The following PPIH variants were observed in gnomAD, a reference collection of about 807,000 sequenced individuals.
The protein encoded by PPIH is peptidyl-prolyl cis-trans isomerase H.
Under a neutral mutation model 27.6 loss-of-function variants are expected in PPIH, and 16 were observed. The ratio of observed to expected loss-of-function variants is 0.58; its 90% CI spans 0.39 to 0.88. The LOEUF (loss-of-function observed/expected upper bound fraction) is 0.88, where lower values mean the gene tolerates loss of function less well. Ranked by LOEUF, PPIH falls within the 40% of genes least tolerant of loss-of-function variation. The pLI is 0.00. For synonymous variants in PPIH, 63 were observed against 76.1 expected, an observed-to-expected ratio of 0.83 and a Z score of 0.90; for missense variants, 155 against 224.1, an observed-to-expected ratio of 0.69 and a Z score of 1.97.
Position 42,666,993 on chromosome 1 carries a change from G to A in PPIH, c.466-358G>A, listed in dbSNP as rs557039211. On this transcript the variant is annotated intron_variant, in intron 8 of 9. Transcript: ENST00000304979. The stretch of plus-strand genomic sequence containing the variant: ...TTTGCTCACACAGTTTCCTCTAGCC[G>A]GAATGCTCTTCTTTCCTTCCCTCCT... Among the ~76,000 whole-genome samples the A allele has an allele frequency of 2.0e-5, 3 of 152,106 alleles. No individual in the cohort carries two copies. The South Asian group carries it at 6.2e-4, about 32-fold the overall frequency.
chr1:42,669,608 T>C (rs368671039), intron 9 of PPIH, among the ~76,000 whole-genome samples: 1 of 152,208 alleles, frequency 6.6e-6, no homozygotes, highest in Non-Finnish European at 1.5e-5. Context: ...TTCTTAATTT[T>C]ATATGTTGTA....
At chr1:42,673,151 C>T (rs1570402928) in intron 9 of PPIH, among the ~76,000 whole-genome samples, 1 of 151,986 alleles carries the variant, frequency 6.6e-6, no homozygotes, top group East Asian at 1.9e-4. Flanking sequence ...TGCAGCACCA[C>T]ACCCAGCTAA....
downstream of PPIH, among the ~76,000 whole-genome samples, chr1:42,677,660 C>T (rs979774605): frequency 6.6e-6 from 1 of 152,096 alleles, no homozygotes; most frequent in African/African-American, 2.4e-5. Context: ...AACAAACAAA[C>T]AACAGCAACA....
intron 8 of PPIH, 41 bp from the exon 9 acceptor site, chr1:42,667,310 G>A: frequency 6.5e-7 from 1 of 1,529,672 alleles, no homozygotes; most frequent in South Asian, 1.1e-5. Flanking sequence ...GAACGAGGAA[G>A]TGCCTGAGTG....
At chr1:42,671,158 G>C (rs1570399518) in intron 9 of PPIH, among the ~76,000 whole-genome samples, 1 of 152,208 alleles carries the variant, frequency 6.6e-6, no homozygotes, top group East Asian at 1.9e-4. Flanking sequence ...GCTGGATGTG[G>C]TGGCTCACAC....
chr1:42,680,874 G>A (rs2148732308), downstream of PPIH, among the ~76,000 whole-genome samples: 1 of 152,250 alleles, frequency 6.6e-6, no homozygotes, highest in Middle Eastern at 3.4e-3. Context: ...TTAACTATTT[G>A]GCTCTCACAG....
intron 5 of PPIH, among the ~76,000 whole-genome samples, chr1:42,663,116 G>A (rs1212606082): frequency 2.0e-5 from 3 of 152,196 alleles, no homozygotes; most frequent in Admixed American, 2.0e-4. Flanking sequence ...GGTAACTGAT[G>A]TGTCCCTTAG....
intron 9 of PPIH, among the ~76,000 whole-genome samples, chr1:42,670,899 A>G (rs1198182436): frequency 2.0e-5 from 3 of 152,030 alleles, no homozygotes; most frequent in Non-Finnish European, 2.9e-5. Context: ...GGGTTCAAGC[A>G]ATTCTCCTGC....
chr1:42,677,307 C>T (rs1649920567), downstream of PPIH, among the ~76,000 whole-genome samples: 1 of 129,908 alleles, frequency 7.7e-6, no homozygotes, highest in Non-Finnish European at 1.7e-5. Context: ...AACCCCATCC[C>T]TACTAAAAAT....
intron 9 of PPIH, among the ~76,000 whole-genome samples, chr1:42,672,664 T>A (rs1649699841): frequency 2.6e-5 from 4 of 152,056 alleles, no homozygotes; most frequent in Admixed American, 2.6e-4. Context: ...TTTTTTTTTT[T>A]AAGACAGAAT....
At chr1:42,678,550 C>T (rs1397887623), downstream of PPIH, among the ~76,000 whole-genome samples, 1 of 152,174 alleles carries the variant, frequency 6.6e-6, no homozygotes, top group Non-Finnish European at 1.5e-5. Flanking sequence ...CAGGCACATG[C>T]CACCGTGCCC....
intron 9 of PPIH, among the ~76,000 whole-genome samples, chr1:42,668,058 A>C (rs1649438153): frequency 6.6e-6 from 1 of 152,228 alleles, no homozygotes; most frequent in South Asian, 2.1e-4. Context: ...AGCTCATGGA[A>C]AGTAAGACAT....
intron 4 of PPIH, among the ~76,000 whole-genome samples, chr1:42,660,259 T>C (rs1340893145): frequency 2.0e-5 from 3 of 152,244 alleles, no homozygotes; most frequent in African/African-American, 4.8e-5. Flanking sequence ...TGCTCTGCCT[T>C]TTGCTTTGGC....
At chr1:42,666,822 G>A (rs558209157) in intron 8 of PPIH, among the ~76,000 whole-genome samples, 1 of 152,116 alleles carries the variant, frequency 6.6e-6, no homozygotes, top group Non-Finnish European at 1.5e-5. Flanking sequence ...TGCGTTCAAG[G>A]TCCTTCATGA....
chr1:42,674,338 A>G (rs1471553873), intron 9 of PPIH, among the ~76,000 whole-genome samples: 1 of 152,270 alleles, frequency 6.6e-6, no homozygotes, highest in African/African-American at 2.4e-5. Flanking sequence ...TCACAAAGGC[A>G]GGAAACAGCA....
chr1:42,674,236 G>A (rs1211211874), intron 9 of PPIH, among the ~76,000 whole-genome samples: 1 of 152,332 alleles, frequency 6.6e-6, no homozygotes, highest in East Asian at 1.9e-4. Context: ...CAGAAGAGAT[G>A]ATGCTTCAGT....
chr1:42,663,372 T>C (rs1266742271), intron 5 of PPIH, among the ~76,000 whole-genome samples: 3 of 152,132 alleles, frequency 2.0e-5, no homozygotes, highest in Non-Finnish European at 4.4e-5. Flanking sequence ...TTCCCAGCTC[T>C]AAGTGATAGA....
rs570407818 is a variant in PPIH, at chr1:42,668,100, C to T, written c.*21+660C>T. On this transcript the variant is annotated intron_variant, in intron 9 of 9. Transcript: ENST00000304979. ...AGGTGATCACTAGTAATATGAGTGACATTGCCAAGTATGAGAAGAGTACAA... is the reference window on the plus strand; with the variant it reads ...AGGTGATCACTAGTAATATGAGTGATATTGCCAAGTATGAGAAGAGTACAA... Among the ~76,000 whole-genome samples the T allele has an allele frequency of 3.9e-5, 6 of 152,282 alleles. No individual in the cohort carries two copies. The South Asian group carries it at 1.2e-3, about 32-fold the overall frequency.
intron 9 of PPIH, among the ~76,000 whole-genome samples, chr1:42,669,214 AAAG>A: frequency 6.6e-6 from 1 of 151,430 alleles, no homozygotes; most frequent in Non-Finnish European, 1.5e-5. Context: ...AAAAAAAGGA[AAAG>A]AAAAACCGAA....
Sources: allele counts gnomAD v4.1 joint callset (sites outside exome capture counted in the v4.1 genomes callset), GRCh38; gene constraint gnomAD v4.1.1; transcripts MANE v1.5; gene names NCBI Gene and HGNC (gene_info 2026-07-23, HGNC 2026-07-21).